The following PAG1 variants were observed in gnomAD, a reference collection of about 807,000 sequenced individuals.
PAG1 encodes the protein phosphoprotein membrane anchor with glycosphingolipid microdomains 1, also known as phosphoprotein associated with glycosphingolipid-enriched microdomains 1.
PAG1 carries 23 observed loss-of-function variants against 31.7 expected under a neutral mutation model. The ratio of observed to expected loss-of-function variants is 0.73; its 90% CI spans 0.52 to 1.03. The LOEUF (loss-of-function observed/expected upper bound fraction) is 1.03. PAG1 is among the 50% of genes least tolerant of loss of function. The pLI, the probability that PAG1 is intolerant of heterozygous loss-of-function variation, is 0.00. For synonymous variants in PAG1, 214 were observed against 210.3 expected, an observed-to-expected ratio of 1.02 and a Z score of -0.15; for missense variants, 473 against 540.7, an observed-to-expected ratio of 0.87 and a Z score of 1.24.
At position 80,972,874 on chromosome 8, in the gene PAG1, T is replaced by C. The variant is rs981053740; in HGVS notation, c.*3670A>G. The C allele has an allele frequency of 6.6e-6, 1 of 151,926 alleles. No homozygotes were observed. Among genetic ancestry groups the C allele is most frequent in the African/African-American group, 2.4e-5 (1 of 41,356 alleles). 9.4% of individuals were successfully genotyped at this position (151,926 alleles called of 1,614,324 possible). A position where few individuals can be genotyped will look rare whatever the true frequency, so the allele number is the denominator to read the frequency against. ...CAGGATAAACATTCAAAATACATAA[T>C]AGAACATATCCTAATTAAGCACCAG... is the stretch of plus-strand genomic sequence containing the variant. On this transcript the variant is annotated 3_prime_UTR_variant, in exon 9 of 9. Transcript: ENST00000220597.
chr8:80,993,165 C>G lies in PAG1; in HGVS notation c.63G>C (p.Leu21=), dbSNP rs775251283. 4.2e-5 allele frequency: 67 copies of G among 1,613,710 alleles called. 2 individuals carry two copies. The South Asian group carries it at 7.3e-4, about 17-fold the overall frequency. The part of the protein sequence containing the change: ...GQMQITLWGS[L]AAVAIFFVIT... ...TGACGAAGAAAATGGCGACAGCAGC[C>G]AGACTTCCCCACAGGGTGATCTGCA... is the stretch of plus-strand genomic sequence containing the variant. Residue 21 remains leucine (L), a synonymous_variant, in exon 4 of 9, where the codon CTG becomes CTC. Transcript: ENST00000220597.
At position 80,984,904 on chromosome 8, in the gene PAG1, A is replaced by G; in HGVS notation, c.748T>C (p.Cys250Arg). 6.2e-7 allele frequency: 1 copy of G among 1,614,178 alleles called. No homozygotes were observed. The highest frequency in any genetic ancestry group is 8.5e-7 in the Non-Finnish European group (1 of 1,180,030). ...VNVESILGNS[C>R]DPEEEAPPPV... ...GGTGGGGCCTCCTCTTCTGGATCAC[A>G]TGAATTTCCAAGGATACTCTCTACA... The change falls in exon 7 of 9, where the codon TGT (cysteine) becomes CGT (arginine). Residue 250 changes from cysteine to arginine, a missense_variant. By Grantham distance (180) the Cys-to-Arg change is radical. Coordinates refer to ENST00000220597, the MANE Select transcript of PAG1 (RefSeq NM_018440.4).
At chr8:81,021,945 C>A (rs1305020499) in intron 3 of PAG1, among the ~76,000 whole-genome samples, 2 of 152,164 alleles carry the variant, frequency 1.3e-5, no homozygotes, top group African/African-American at 2.4e-5. Context: ...GAGGAGTCTG[C>A]ATTTTAAAAT....
chr8:81,079,548 T>C (rs73279979), intron 1 of PAG1, among the ~76,000 whole-genome samples: 7,077 of 152,138 alleles, frequency 0.047, 552 homozygotes, highest in African/African-American at 0.16. Context: ...TGAAATTCTT[T>C]ACTTCCATTT....
At chr8:80,985,415 G>A in intron 6 of PAG1, 38 bp from the exon 7 acceptor site, 1 of 1,551,784 alleles carries the variant, frequency 6.4e-7, no homozygotes, top group Admixed American at 2.0e-5. Flanking sequence ...AGAAAGGCAA[G>A]TCTTTCAATA....
chr8:81,044,758 A>G (rs1200485916), intron 2 of PAG1, among the ~76,000 whole-genome samples: 1 of 152,072 alleles, frequency 6.6e-6, no homozygotes, highest in African/African-American at 2.4e-5. Flanking sequence ...TTATCTGCTC[A>G]CATCCAAAGG....
At chr8:81,102,871 T>C (rs533098645) in intron 1 of PAG1, among the ~76,000 whole-genome samples, 2 of 152,330 alleles carry the variant, frequency 1.3e-5, no homozygotes, top group East Asian at 3.9e-4. Flanking sequence ...TATCATTTAA[T>C]GTATCTGGAG....
At position 80,984,886 on chromosome 8, in the gene PAG1, C is replaced by T; in HGVS notation, c.766G>A (p.Ala256Thr). 1 of 1,614,108 alleles carries T rather than the reference C, an allele frequency of 6.2e-7. No homozygotes were observed. Among genetic ancestry groups the T allele is most frequent in the South Asian group, 1.1e-5 (1 of 91,068 alleles). The change falls in exon 7 of 9, where the codon GCC becomes ACC. Residue 256 changes from alanine to threonine, a missense_variant. Ala to Thr is a moderately conservative substitution (Grantham distance 58). Transcript: ENST00000220597. ...AGCTTAACAGGGACAGGTGGTGGGG[C>T]CTCCTCTTCTGGATCACATGAATTT... is the stretch of plus-strand genomic sequence containing the variant. ...LGNSCDPEEE[A>T]PPPVPVKLLD...
At chr8:81,051,402 T>C (rs780118293) in intron 2 of PAG1, among the ~76,000 whole-genome samples, 1 of 152,260 alleles carries the variant, frequency 6.6e-6, no homozygotes, top group South Asian at 2.1e-4. Context: ...CTATTTGTGT[T>C]CGATTAATTA....
intron 2 of PAG1, among the ~76,000 whole-genome samples, chr8:81,038,879 T>C (rs1416084323): frequency 1.3e-5 from 2 of 152,180 alleles, no homozygotes; most frequent in Non-Finnish European, 2.9e-5. Flanking sequence ...CATGGAACTT[T>C]AGAGAAATTC....
rs375847064 is a variant in PAG1 at position 80,976,618 on chromosome 8, C to G, written c.1225G>C (p.Gly409Arg). 4.3e-6 allele frequency: 7 copies of G among 1,614,098 alleles called. No individual in the cohort carries two copies. The highest frequency in any genetic ancestry group is 2.2e-5 in the East Asian group (1 of 44,892). ...KATLGTNGHH[G>R]LVPKENDYES... is the part of the protein sequence containing the mutation. ...TAGTCGTTCTCCTTTGGGACGAGAC[C>G]GTGGTGGCCATTGGTCCCCAGGGTG... Residue 409 changes from glycine (G) to arginine (R), a missense_variant, in exon 9 of 9, where the codon GGT (glycine) becomes CGT (arginine). Gly to Arg is a moderately radical substitution (Grantham distance 125, BLOSUM62 -2). Transcript: ENST00000220597.
At chr8:81,020,703 A>T (rs55987663) in intron 3 of PAG1, among the ~76,000 whole-genome samples, 1 of 152,188 alleles carries the variant, frequency 6.6e-6, no homozygotes, top group African/African-American at 2.4e-5. Context: ...ACGTGGCAAT[A>T]GGGTTCCTTT....
At chr8:81,070,961 C>T (rs565223553) in intron 1 of PAG1, among the ~76,000 whole-genome samples, 55 of 152,306 alleles carry the variant, frequency 3.6e-4, no homozygotes, top group African/African-American at 1.3e-3. Context: ...GATAACGAGA[C>T]TGAATTTTCT....
chr8:81,027,434 G>T (rs554665675), intron 3 of PAG1, among the ~76,000 whole-genome samples: 4 of 152,202 alleles, frequency 2.6e-5, no homozygotes, highest in African/African-American at 9.7e-5. Context: ...ACAAGTGGTG[G>T]AGTAAAGGAC....
intron 2 of PAG1, among the ~76,000 whole-genome samples, chr8:81,061,617 T>C (rs1808918153): frequency 1.3e-5 from 2 of 152,188 alleles, no homozygotes; most frequent in African/African-American, 4.8e-5. Context: ...ATGGAACATC[T>C]AAAGAATGCC....
In PAG1 at chr8:80,985,248, C is replaced by G; in HGVS notation, c.404G>C (p.Arg135Thr). 1 of 1,614,144 alleles carries G rather than the reference C, an allele frequency of 6.2e-7. No individual in the cohort carries two copies. The highest frequency in any genetic ancestry group is 2.2e-5 in the East Asian group (1 of 44,884). The part of the protein sequence containing the change: ...PKCHQSRELP[R>T]IPPESAVDTM... Reference sequence around the variant, plus strand: ...ATCCACTGCGCTCTCGGGAGGGATTCTGGGCAGCTCCCGACTCTGATGACA... The same window carrying G: ...ATCCACTGCGCTCTCGGGAGGGATTGTGGGCAGCTCCCGACTCTGATGACA... Residue 135 changes from arginine (R) to threonine (T), a missense_variant, in exon 7 of 9, where the codon AGA becomes ACA. Coordinates refer to ENST00000220597, the MANE Select transcript of PAG1 (RefSeq NM_018440.4).
chr8:81,031,046 G>A (rs1440591818), intron 2 of PAG1, among the ~76,000 whole-genome samples: 1 of 152,178 alleles, frequency 6.6e-6, no homozygotes, highest in Non-Finnish European at 1.5e-5. Context: ...AGTGGAACGT[G>A]AGCCTTCTAG....
At chr8:80,989,352 G>T (rs1353805566) in intron 5 of PAG1, among the ~76,000 whole-genome samples, 1 of 152,148 alleles carries the variant, frequency 6.6e-6, no homozygotes, top group African/African-American at 2.4e-5. Flanking sequence ...CAGCATAATC[G>T]ATCACAGCTG....
At position 80,973,128 on chromosome 8, in the gene PAG1, T is replaced by C. The variant is rs926307643; in HGVS notation, c.*3416A>G. ...GGGATTTTGAGGGCAGATAAATCAG[T>C]AATTAGCCTTTATCCCAGAAAGAAT... On this transcript the variant is annotated 3_prime_UTR_variant, in exon 9 of 9. Coordinates refer to ENST00000220597, the MANE Select transcript of PAG1 (RefSeq NM_018440.4). 5 of 152,144 alleles carry C rather than the reference T, an allele frequency of 3.3e-5. No homozygotes were observed. The highest frequency in any genetic ancestry group is 2.6e-4 in the Admixed American group (4 of 15,274). 9.4% of individuals were successfully genotyped at this position (152,144 alleles called of 1,614,324 possible). A position where few individuals can be genotyped will look rare whatever the true frequency, so the allele number is the denominator to read the frequency against.
Sources: allele counts gnomAD v4.1 joint callset (sites outside exome capture counted in the v4.1 genomes callset), GRCh38; gene constraint gnomAD v4.1.1; transcripts MANE v1.5; gene names NCBI Gene and HGNC (gene_info 2026-07-23, HGNC 2026-07-21).